RNPC3: variants seen among roughly 807,000 people sequenced by gnomAD.
The protein encoded by RNPC3 is RNA binding region (RNP1, RRM) containing 3.
RNPC3 carries 48 observed loss-of-function variants against 67.5 expected under a neutral mutation model. The observed-to-expected ratio is 0.71, with a 90% CI of 0.56 to 0.90. RNPC3 has a LOEUF of 0.90. Among genes scored for constraint, RNPC3 ranks in the 40% least tolerant of loss-of-function variants. The pLI, the probability that RNPC3 is intolerant of heterozygous loss-of-function variation, is 0.00. For synonymous variants in RNPC3, 239 were observed against 210.3 expected (o/e 1.14, Z -1.18); for missense variants, 637 against 626.1 (o/e 1.02, Z -0.19).
intron 12 of RNPC3, among the ~76,000 whole-genome samples, chr1:103,550,678 T>C (rs1651367881): frequency 1.3e-5 from 2 of 151,708 alleles, no homozygotes; most frequent in South Asian, 4.2e-4. Context: ...GGTTTTCTAG[T>C]TGCTAATAGT....
At chr1:103,537,027 T>C (rs1570619445) in intron 6 of RNPC3, among the ~76,000 whole-genome samples, 1 of 152,194 alleles carries the variant, frequency 6.6e-6, no homozygotes, top group East Asian at 1.9e-4. Flanking sequence ...TGCTACACAG[T>C]CTGCAGATCA....
intron 11 of RNPC3, 71 bp downstream of exon 11, chr1:103,546,413 T>G (rs1358385996): frequency 1.4e-6 from 1 of 738,644 alleles, no homozygotes; most frequent in Admixed American, 3.6e-5. Context: ...TGTGTTAAAG[T>G]CTGTTTGAAA....
At chr1:103,550,076 A>C (rs2101053172) in intron 12 of RNPC3, among the ~76,000 whole-genome samples, 1 of 152,116 alleles carries the variant, frequency 6.6e-6, no homozygotes, top group Non-Finnish European at 1.5e-5. Context: ...AGGCAGGAGA[A>C]TCGCTTAAAC....
At chr1:103,545,160 G>A in intron 10 of RNPC3, 58 bp downstream of exon 10, 1 of 1,356,596 alleles carries the variant, frequency 7.4e-7, no homozygotes, top group Non-Finnish European at 9.9e-7. Context: ...TGACTCTATA[G>A]AAACAAAACA....
chr1:103,538,157 TAA>T (rs776540924), intron 7 of RNPC3, among the ~76,000 whole-genome samples: 1 of 152,188 alleles, frequency 6.6e-6, no homozygotes, highest in Non-Finnish European at 1.5e-5. Context: ...ATGTACTTTT[TAA>T]AGTTTTTTTG....
rs529830915 is a variant in RNPC3, at chr1:103,527,724, T to A, written c.222T>A (p.Asn74Lys). 1 of 1,548,668 alleles carries A rather than the reference T, an allele frequency of 6.5e-7. No homozygotes were observed. The highest frequency in any genetic ancestry group is 2.0e-5 in the Admixed American group (1 of 50,840). The change falls in exon 2 of 15, where the codon AAT (asparagine) becomes AAA (lysine). Residue 74 changes from asparagine (N) to lysine (K), a missense_variant. Asn to Lys is a moderately conservative substitution (Grantham distance 94). Transcript: ENST00000423855. ...LKHTAFATFP[N>K]EKAAIKALTR... Reference sequence around the variant, plus strand: ...ATACAGCTTTTGCCACATTCCCTAATGAAAAAGCAGCTATAAAGGTATGAC... The same window carrying A: ...ATACAGCTTTTGCCACATTCCCTAAAGAAAAAGCAGCTATAAAGGTATGAC...
intron 12 of RNPC3, among the ~76,000 whole-genome samples, chr1:103,547,519 G>GTTTCACAA (rs1651276208): frequency 6.6e-6 from 1 of 152,136 alleles, no homozygotes; most frequent in Non-Finnish European, 1.5e-5. Flanking sequence ...TCATGGGTAG[G>GTTTCACAA]ACTCATGAAT....
intron 2 of RNPC3, among the ~76,000 whole-genome samples, chr1:103,530,930 G>T (rs1283682181): frequency 6.6e-6 from 1 of 152,128 alleles, no homozygotes; most frequent in East Asian, 1.9e-4. Context: ...CTGAGATTTT[G>T]ATGTACCTGT....
At position 103,550,922 on chromosome 1, in the gene RNPC3, A is replaced by C. The variant is rs1346366391; in HGVS notation, c.1362-19A>C. ...TTGAAACTGACATTCTTTGAATCAA[A>C]ACTGTTTCTTCCTTCTAGGTTTGAT... is the stretch of plus-strand genomic sequence containing the variant. On this transcript the variant is annotated intron_variant, in intron 12 of 14. Coordinates refer to ENST00000423855, the MANE Select transcript of RNPC3 (RefSeq NM_017619.4). The C allele has an allele frequency of 1.2e-6, 2 of 1,607,496 alleles. No homozygotes were observed. Among genetic ancestry groups the C allele is most frequent in the African/African-American group, 2.7e-5 (2 of 74,658 alleles).
Position 103,534,866 on chromosome 1 carries a change from T to C in RNPC3, c.443+9T>C. ...ATTGCACCAAACCATGGGTTAGCAT[T>C]TTTGTTTGCTTTTCTTTTGCTTTTG... On this transcript the variant is annotated intron_variant, in intron 4 of 14. Coordinates refer to ENST00000423855, the MANE Select transcript of RNPC3 (RefSeq NM_017619.4). The C allele has an allele frequency of 1.3e-6, 2 of 1,493,488 alleles. No individual in the cohort carries two copies. The highest frequency in any genetic ancestry group is 1.8e-6 in the Non-Finnish European group (2 of 1,114,378). 92.5% of individuals were successfully genotyped at this position (1,493,488 alleles called of 1,614,324 possible). A position where few individuals can be genotyped will look rare whatever the true frequency, so the allele number is the denominator to read the frequency against.
intron 12 of RNPC3, among the ~76,000 whole-genome samples, chr1:103,548,721 T>G (rs1159848715): frequency 6.6e-6 from 1 of 152,218 alleles, no homozygotes; most frequent in African/African-American, 2.4e-5. Context: ...TCCACATTTT[T>G]GGGTATCTTT....
In RNPC3 at chr1:103,525,909, G is replaced by T; in HGVS notation, c.-162G>T. 1.6e-6 allele frequency: 1 copy of T among 619,708 alleles called. No individual in the cohort carries two copies. Among genetic ancestry groups the T allele is most frequent in the Non-Finnish European group, 2.8e-6 (1 of 360,586 alleles). The allele number at this position is 619,708 out of a possible 1,614,324, so 38.4% of individuals were successfully genotyped here. On this transcript the variant is annotated 5_prime_UTR_variant, in exon 1 of 15. Coordinates refer to ENST00000423855, the MANE Select transcript of RNPC3 (RefSeq NM_017619.4). The stretch of plus-strand genomic sequence containing the variant: ...GTCTTCGAAGGGTTGCCGCTTTTCG[G>T]TGGCGCAGTTCTCGCGAGAAGGTGA...
chr1:103,547,269 T>C (rs897051910), intron 12 of RNPC3, among the ~76,000 whole-genome samples: 3 of 152,204 alleles, frequency 2.0e-5, no homozygotes, highest in African/African-American at 7.2e-5. Flanking sequence ...GACCATACAG[T>C]GTCTGTTGGA....
chr1:103,539,661 C>A (rs1402115873), intron 7 of RNPC3, among the ~76,000 whole-genome samples: 1 of 152,108 alleles, frequency 6.6e-6, no homozygotes, highest in East Asian at 1.9e-4. Flanking sequence ...GAGAACATAG[C>A]CTTTGAGTGT....
chr1:103,540,177 C>T (rs991196494), intron 7 of RNPC3, among the ~76,000 whole-genome samples: 7 of 152,144 alleles, frequency 4.6e-5, no homozygotes, highest in African/African-American at 1.4e-4. Flanking sequence ...AACACTTTTG[C>T]TTTCTGATGT....
At chr1:103,526,702 G>A (rs994196925) in intron 1 of RNPC3, among the ~76,000 whole-genome samples, 2 of 152,142 alleles carry the variant, frequency 1.3e-5, no homozygotes, top group African/African-American at 4.8e-5. Context: ...TTGGTGACTT[G>A]CGTAAATTAA....
intron 9 of RNPC3, 103 bp downstream of exon 9, chr1:103,543,550 A>G: frequency 1.2e-6 from 1 of 865,532 alleles, no homozygotes. Flanking sequence ...AACTTTATTT[A>G]AAATATGCAA....
chr1:103,554,057 TTAAATAC>T (rs1448643503), intron 14 of RNPC3: 1 of 152,166 alleles, frequency 6.6e-6, no homozygotes, highest in Admixed American at 6.5e-5. Context: ...GATCTGGAAC[TTAAATAC>T]TAATTTTAAA....
rs1650703829 is a variant in RNPC3, at chr1:103,526,242, C to T, written c.172C>T (p.Leu58=). The T allele has an allele frequency of 1.3e-6, 2 of 1,548,806 alleles. No individual in the cohort carries two copies. The highest frequency in any genetic ancestry group is 1.4e-5 in the African/African-American group (1 of 72,916). Residue 58 remains leucine, a synonymous_variant, in exon 1 of 15, where the codon CTG becomes TTG. Coordinates refer to ENST00000423855, the MANE Select transcript of RNPC3 (RefSeq NM_017619.4). ...KYFGAQSVRV[L]SDKGRLKHTA... ...CTTCGGGGCTCAGTCTGTGCGGGTC[C>T]TGTCAGATAAGGGGCGACTGGTAAG...
Sources: allele counts gnomAD v4.1 joint callset (sites outside exome capture counted in the v4.1 genomes callset), GRCh38; gene constraint gnomAD v4.1.1; transcripts MANE v1.5; gene names NCBI Gene and HGNC (gene_info 2026-07-23, HGNC 2026-07-21).